Variants in NEK11 observed in about 807,000 individuals in gnomAD.
The protein encoded by NEK11 is NIMA related kinase 11, also known as serine/threonine-protein kinase Nek11.
NEK11 carries 72 observed loss-of-function variants against 80.7 expected under a neutral mutation model. The ratio of observed to expected loss-of-function variants is 0.89; its 90% CI spans 0.74 to 1.08. The LOEUF is 1.08. Ranked by LOEUF, NEK11 falls within the 50% of genes least tolerant of loss-of-function variation. The pLI is 0.00. For synonymous variants in NEK11, 251 were observed against 260.7 expected (o/e 0.96, Z 0.36); for missense variants, 764 against 763.6 (o/e 1.00, Z -0.01).
At chr3:131,182,066 T>A (rs2093384944) in intron 14 of NEK11, among the ~76,000 whole-genome samples, 1 of 151,372 alleles carries the variant, frequency 6.6e-6, no homozygotes, top group African/African-American at 2.4e-5. Context: ...AGATACTAAT[T>A]GTTGTAAGTG....
At chr3:131,069,131 AT>A (rs542584467) in intron 3 of NEK11, among the ~76,000 whole-genome samples, 4 of 152,026 alleles carry the variant, frequency 2.6e-5, no homozygotes, top group South Asian at 2.1e-4. Flanking sequence ...AAAACCCTAG[AT>A]TTTTTTATTT....
At chr3:131,197,021 T>C (rs1406878371) in intron 14 of NEK11, among the ~76,000 whole-genome samples, 1 of 152,154 alleles carries the variant, frequency 6.6e-6, no homozygotes, top group African/African-American at 2.4e-5. Flanking sequence ...TGATTGGCTA[T>C]TTCTTTACCT....
intron 14 of NEK11, among the ~76,000 whole-genome samples, chr3:131,209,328 A>G (rs2094539355): frequency 1.3e-5 from 2 of 152,162 alleles, no homozygotes; most frequent in South Asian, 4.1e-4. Context: ...GATGAAGCCA[A>G]CGTGACCGTG....
At chr3:131,044,997 CTG>C (rs2067168861) in intron 3 of NEK11, among the ~76,000 whole-genome samples, 1 of 152,144 alleles carries the variant, frequency 6.6e-6, no homozygotes, top group South Asian at 2.1e-4. Flanking sequence ...TACGTGGAAA[CTG>C]AACAACCTGC....
At position 131,152,487 on chromosome 3, in the gene NEK11, A is replaced by T. The variant is rs1228375485; in HGVS notation, c.747A>T (p.Thr249=). ...SIVLKIVEGD[T]PSLPERYPKE... ...TTTTAAAAATTGTTGAAGGTGACACACCTTCTCTCCCTGAGAGATATCCAA... is the reference window on the plus strand; with the variant it reads ...TTTTAAAAATTGTTGAAGGTGACACTCCTTCTCTCCCTGAGAGATATCCAA... Residue 249 remains threonine (T), a synonymous_variant, in exon 8 of 18, where the codon ACA becomes ACT. Transcript: ENST00000383366. The T allele has an allele frequency of 5.6e-6, 9 of 1,613,834 alleles. No individual in the cohort carries two copies. The highest frequency in any genetic ancestry group is 6.8e-6 in the Non-Finnish European group (8 of 1,179,766).
intron 3 of NEK11, among the ~76,000 whole-genome samples, chr3:131,046,636 G>T (rs139207325): frequency 6.6e-6 from 1 of 151,504 alleles, no homozygotes; most frequent in Non-Finnish European, 1.5e-5. Context: ...CAACGTGCAG[G>T]TTTGTTACAT....
intron 3 of NEK11, among the ~76,000 whole-genome samples, chr3:131,066,385 C>A (rs895904574): frequency 2.0e-5 from 3 of 152,046 alleles, no homozygotes; most frequent in African/African-American, 7.2e-5. Flanking sequence ...AGGAGGGCAC[C>A]TCTCCCTTTT....
intron 12 of NEK11, among the ~76,000 whole-genome samples, chr3:131,167,880 G>C (rs1453395742): frequency 6.6e-6 from 1 of 152,208 alleles, no homozygotes; most frequent in Non-Finnish European, 1.5e-5. Context: ...GACAAAGACT[G>C]TGGTTTATTC....
At chr3:131,198,036 CAT>C (rs1491095315) in intron 14 of NEK11, among the ~76,000 whole-genome samples, 1 of 152,130 alleles carries the variant, frequency 6.6e-6, no homozygotes, top group African/African-American at 2.4e-5. Context: ...CCTTTCTCTC[CAT>C]ATTGCTGCAT....
At chr3:131,106,866 A>G (rs746251499) in intron 4 of NEK11, among the ~76,000 whole-genome samples, 1 of 152,198 alleles carries the variant, frequency 6.6e-6, no homozygotes, top group Non-Finnish European at 1.5e-5. Flanking sequence ...TAAAAATTTT[A>G]GCCAGGTGCC....
chr3:131,159,420 T>C (rs1031246084), intron 10 of NEK11, among the ~76,000 whole-genome samples: 1 of 151,732 alleles, frequency 6.6e-6, no homozygotes, highest in African/African-American at 2.4e-5. Context: ...GACAGAAAAA[T>C]AGCTAGTATA....
At chr3:131,077,064 C>T (rs1021148979) in intron 3 of NEK11, among the ~76,000 whole-genome samples, 2 of 152,062 alleles carry the variant, frequency 1.3e-5, no homozygotes, top group African/African-American at 2.4e-5. Context: ...ATAGTTATCC[C>T]GAATTTCCAA....
intron 4 of NEK11, among the ~76,000 whole-genome samples, chr3:131,093,814 A>G (rs2077070696): frequency 6.6e-6 from 1 of 152,106 alleles, no homozygotes; most frequent in East Asian, 1.9e-4. Flanking sequence ...TTAACATGAC[A>G]TAGTCAACAT....
intron 17 of NEK11, among the ~76,000 whole-genome samples, chr3:131,310,378 G>A (rs546318154): frequency 6.6e-6 from 1 of 152,298 alleles, no homozygotes; most frequent in South Asian, 2.1e-4. Context: ...AGGCTCCAGT[G>A]AGGAACTGGG....
intron 15 of NEK11, among the ~76,000 whole-genome samples, chr3:131,242,469 T>C (rs763617027): frequency 2.6e-5 from 4 of 152,278 alleles, no homozygotes; most frequent in African/African-American, 9.6e-5. Context: ...ATTTAAATTA[T>C]GAAACAGGGA....
chr3:131,199,793 C>A (rs1179019640), intron 14 of NEK11, among the ~76,000 whole-genome samples: 2 of 151,838 alleles, frequency 1.3e-5, no homozygotes, highest in Non-Finnish European at 2.9e-5. Flanking sequence ...AGCTTATATA[C>A]CACTAAAGCA....
intron 17 of NEK11, among the ~76,000 whole-genome samples, chr3:131,314,238 C>T (rs2096812510): frequency 6.6e-6 from 1 of 152,076 alleles, no homozygotes; most frequent in South Asian, 2.1e-4. Context: ...ACAGCATCGA[C>T]AGCAGGAGCT....
intron 3 of NEK11, among the ~76,000 whole-genome samples, chr3:131,059,378 A>T (rs1560208444): frequency 6.6e-6 from 1 of 152,174 alleles, no homozygotes; most frequent in South Asian, 2.1e-4. Flanking sequence ...ATGTACATTA[A>T]TTTTTGTGTT....
At chr3:131,323,992 CAG>C (rs2096928103) in intron 17 of NEK11, among the ~76,000 whole-genome samples, 1 of 152,056 alleles carries the variant, frequency 6.6e-6, no homozygotes, top group African/African-American at 2.4e-5. Flanking sequence ...ATGAAGGACT[CAG>C]TGACAGTGTG....
Sources: allele counts gnomAD v4.1 joint callset (sites outside exome capture counted in the v4.1 genomes callset), GRCh38; gene constraint gnomAD v4.1.1; transcripts MANE v1.5; gene names NCBI Gene and HGNC (gene_info 2026-07-23, HGNC 2026-07-21).